MCOLN2: variants seen among roughly 807,000 people sequenced by gnomAD.
The protein encoded by MCOLN2 is mucolipin-2.
MCOLN2 carries 57 observed loss-of-function variants against 67.5 expected under a neutral mutation model. The observed-to-expected ratio is 0.84, with a 90% CI of 0.68 to 1.05. MCOLN2 has a LOEUF of 1.05. Ranked by LOEUF, MCOLN2 falls within the 50% of genes least tolerant of loss-of-function variation. MCOLN2 has a pLI of 0.00. For missense variants in MCOLN2, 620 were observed against 678.8 expected, an observed-to-expected ratio of 0.91 and a Z score of 0.96; for synonymous variants, 246 against 233.3, an observed-to-expected ratio of 1.05 and a Z score of -0.50.
Position 84,996,905 on chromosome 1 carries a change from G to A in MCOLN2, c.-33C>T, listed in dbSNP as rs764369295. On this transcript the variant is annotated 5_prime_UTR_variant, in exon 1 of 14. Coordinates refer to ENST00000370608, the MANE Select transcript of MCOLN2 (RefSeq NM_153259.4). ...CCTTCAAAACTTTCCAGGGCTCTCGGGATTCGGAACAGGAAACACCGTTCA... is the reference window on the plus strand; with the variant it reads ...CCTTCAAAACTTTCCAGGGCTCTCGAGATTCGGAACAGGAAACACCGTTCA... 2 of 1,595,330 alleles carry A rather than the reference G, an allele frequency of 1.3e-6. No homozygotes were observed. Among genetic ancestry groups the A allele is most frequent in the Non-Finnish European group, 1.7e-6 (2 of 1,162,974 alleles).
At chr1:84,951,393 GAGA>G (rs895538734) in intron 6 of MCOLN2, among the ~76,000 whole-genome samples, 16 of 152,146 alleles carry the variant, frequency 1.1e-4, no homozygotes, top group Non-Finnish European at 1.9e-4. Flanking sequence ...GAAGGAAGGC[GAGA>G]AGGACAGAGA....
intron 11 of MCOLN2, among the ~76,000 whole-genome samples, chr1:84,932,684 G>T (rs1340255991): frequency 3.3e-5 from 5 of 152,122 alleles, no homozygotes; most frequent in Non-Finnish European, 4.4e-5. Context: ...TTAAAACTCT[G>T]TGTTGAATTG....
chr1:84,958,517 CA>C lies in MCOLN2; in HGVS notation c.411+11del, dbSNP rs1648907176. ...TTGTTAAAGTATAGGTCATTCACAA[CA>C]AAACACTTGCCTGATTAATAGCAAA... is the stretch of plus-strand genomic sequence containing the variant. On this transcript the variant is annotated intron_variant, in intron 3 of 13. Transcript: ENST00000370608. 1.3e-6 allele frequency: 2 copies of C among 1,593,906 alleles called. No individual in the cohort carries two copies. Among genetic ancestry groups the C allele is most frequent in the Non-Finnish European group, 8.5e-7 (1 of 1,175,264 alleles).
chr1:84,982,455 T>C (rs1401716970), intron 1 of MCOLN2, among the ~76,000 whole-genome samples: 1 of 152,222 alleles, frequency 6.6e-6, no homozygotes, highest in African/African-American at 2.4e-5. Context: ...TCATTTTTAA[T>C]ATCCTCATCT....
At chr1:84,967,309 G>C (rs921234037) in intron 1 of MCOLN2, among the ~76,000 whole-genome samples, 1 of 152,192 alleles carries the variant, frequency 6.6e-6, no homozygotes, top group South Asian at 2.1e-4. Context: ...GCTTAAGCCA[G>C]TTTGAGTTTG....
chr1:84,970,789 T>C (rs565330146), intron 1 of MCOLN2, among the ~76,000 whole-genome samples: 5 of 152,164 alleles, frequency 3.3e-5, no homozygotes, highest in African/African-American at 4.8e-5. Context: ...AATGATACAA[T>C]GAGTTAAGAG....
intron 1 of MCOLN2, among the ~76,000 whole-genome samples, chr1:84,995,811 A>AAAAAAC (rs1421288268): frequency 3.9e-5 from 6 of 151,958 alleles, no homozygotes; most frequent in African/African-American, 1.4e-4. Context: ...TTTTTTAAAA[A>AAAAAAC]AAAACACTTT....
intron 6 of MCOLN2, 40 bp downstream of exon 6, chr1:84,952,203 A>G: frequency 7.0e-7 from 1 of 1,437,082 alleles, no homozygotes; most frequent in African/African-American, 1.4e-5. Flanking sequence ...AGTGTAGGAA[A>G]AAAATAAAAG....
chr1:84,979,670 T>C (rs781073858), intron 1 of MCOLN2, among the ~76,000 whole-genome samples: 16 of 152,196 alleles, frequency 1.1e-4, no homozygotes, highest in Non-Finnish European at 2.1e-4. Flanking sequence ...AGAAGGAATA[T>C]ACCTCAACAT....
intron 2 of MCOLN2, among the ~76,000 whole-genome samples, chr1:84,963,679 C>T (rs1034034284): frequency 6.6e-5 from 10 of 152,250 alleles, no homozygotes; most frequent in African/African-American, 2.4e-4. Context: ...GTATCACCTT[C>T]CCCTTTGCTC....
rs532584419 is a variant in MCOLN2, at chr1:84,945,310, T to C, written c.847+1723A>G. ...AAATCACATATTTGACAAAGGTTAGTTTCTTTTCACAGAAAATTGGCAACC... is the reference window on the plus strand; with the variant it reads ...AAATCACATATTTGACAAAGGTTAGCTTCTTTTCACAGAAAATTGGCAACC... On this transcript the variant is annotated intron_variant, in intron 7 of 13. Transcript: ENST00000370608. 7.2e-5 allele frequency among the ~76,000 whole-genome samples: 11 copies of C among 152,366 alleles called. No homozygotes were observed. The South Asian group carries it at 2.3e-3, about 32-fold the overall frequency.
chr1:84,994,353 TC>T (rs1280885824), intron 1 of MCOLN2, among the ~76,000 whole-genome samples: 2 of 122,142 alleles, frequency 1.6e-5, no homozygotes, highest in East Asian at 6.5e-4. Flanking sequence ...TGCTGGCTTG[TC>T]CTCTCTACTA....
chr1:84,962,224 A>G (rs1011994664), intron 2 of MCOLN2, among the ~76,000 whole-genome samples: 1 of 152,236 alleles, frequency 6.6e-6, no homozygotes, highest in African/African-American at 2.4e-5. Flanking sequence ...AGTAAACTAC[A>G]GTTCCCAGAA....
In MCOLN2 at chr1:84,926,711, C is replaced by T. The variant is rs750850411; in HGVS notation, c.1675G>A (p.Asp559Asn). 3 of 1,595,230 alleles carry T rather than the reference C, an allele frequency of 1.9e-6. No individual in the cohort carries two copies. The highest frequency in any genetic ancestry group is 2.6e-6 in the Non-Finnish European group (3 of 1,168,548). Residue 559 changes from aspartate to asparagine, a missense_variant, in exon 14 of 14, where the codon GAT (aspartate) becomes AAT (asparagine). By Grantham distance (23) the Asp-to-Asn change is conservative. Coordinates refer to ENST00000370608, the MANE Select transcript of MCOLN2 (RefSeq NM_153259.4). The stretch of plus-strand genomic sequence containing the variant: ...TAGCTAATAGGTATCAAGTGATCAT[C>T]ACTTCTTTTCCTGTAACAGAAAGGG... Reference protein sequence around the residue: ...CICCRRRKRSDDHLIPIS With the variant: ...CICCRRRKRSNDHLIPIS
At chr1:84,976,964 T>G (rs651916) in intron 1 of MCOLN2, among the ~76,000 whole-genome samples, 76,780 of 151,900 alleles carry the variant, frequency 0.51, 19,683 homozygotes, top group East Asian at 0.64. Context: ...CCCTGTAACT[T>G]CCTTGTGTAA....
Position 84,996,980 on chromosome 1 carries a change from C to G in MCOLN2, c.-108G>C, listed in dbSNP as rs1452301320. 1 of 1,016,158 alleles carries G rather than the reference C, an allele frequency of 9.8e-7. No individual in the cohort carries two copies. Among genetic ancestry groups the G allele is most frequent in the African/African-American group, 1.6e-5 (1 of 62,332 alleles). The allele number at this position is 1,016,158 out of a possible 1,614,324, so 62.9% of individuals were successfully genotyped here. The stretch of plus-strand genomic sequence containing the variant: ...GTAACGCGTCCGCCGAAGTTGGAGC[C>G]CTGCAAAGCGGGGTTCCCTTCTCTT... On this transcript the variant is annotated 5_prime_UTR_variant, in exon 1 of 14. Coordinates refer to ENST00000370608, the MANE Select transcript of MCOLN2 (RefSeq NM_153259.4).
chr1:84,987,580 A>ATATGTATATATC lies in MCOLN2; in HGVS notation c.77+9215_77+9216insGATATATACATA, dbSNP rs1557666009. On this transcript the variant is annotated intron_variant, in intron 1 of 13. Transcript: ENST00000370608. Reference sequence around the variant, plus strand: ...TCTATGTATACATAGATGTATACATAGATATATACATATGTATATAGATGT... The same window carrying ATATGTATATATC: ...TCTATGTATACATAGATGTATACATATATGTATATATCGATATATACATATGTATATAGATGT... Among the ~76,000 whole-genome samples the ATATGTATATATC allele has an allele frequency of 3.1e-4, 15 of 47,648 alleles. 1 individual carries two copies. Among genetic ancestry groups the ATATGTATATATC allele is most frequent in the African/African-American group, 8.9e-4 (12 of 13,490 alleles). The allele number at this position is 47,648 out of a possible 152,430, so 31.3% of individuals were successfully genotyped here. A position where few individuals can be genotyped will look rare whatever the true frequency, so the allele number is the denominator to read the frequency against.
At chr1:84,996,560 T>C (rs928777895) in intron 1 of MCOLN2, among the ~76,000 whole-genome samples, 20 of 151,800 alleles carry the variant, frequency 1.3e-4, no homozygotes, top group Non-Finnish European at 2.2e-4. Context: ...GGCTGAACTG[T>C]GCGCCTTTTC....
intron 6 of MCOLN2, among the ~76,000 whole-genome samples, chr1:84,951,138 C>A (rs888263542): frequency 6.6e-6 from 1 of 152,142 alleles, no homozygotes; most frequent in South Asian, 2.1e-4. Context: ...CATATCACAA[C>A]CTGTAGTTAC....
Sources: allele counts gnomAD v4.1 joint callset (sites outside exome capture counted in the v4.1 genomes callset), GRCh38; gene constraint gnomAD v4.1.1; transcripts MANE v1.5; gene names NCBI Gene and HGNC (gene_info 2026-07-23, HGNC 2026-07-21).